The following FUT8 variants were observed in gnomAD, a reference collection of about 807,000 sequenced individuals.
The protein encoded by FUT8 is fucosyltransferase 8, also known as alpha-(1,6)-fucosyltransferase.
FUT8 carries 29 observed loss-of-function variants against 71.3 expected under a neutral mutation model. The observed-to-expected ratio is 0.41, with a 90% CI of 0.30 to 0.55. FUT8 has a LOEUF of 0.55. Ranked by LOEUF, FUT8 falls within the 20% of genes least tolerant of loss-of-function variation. The pLI is 0.34. For synonymous variants in FUT8, 254 were observed against 239.3 expected (o/e 1.06, Z -0.57); for missense variants, 544 against 702.1 (o/e 0.77, Z 2.55).
At chr14:65,647,081 G>C (rs1716753831) in intron 6 of FUT8, among the ~76,000 whole-genome samples, 1 of 152,150 alleles carries the variant, frequency 6.6e-6, no homozygotes, top group Non-Finnish European at 1.5e-5. Context: ...AAACTTCTCT[G>C]TGAAAGGTTC....
chr14:65,591,337 A>G (rs998561063), intron 3 of FUT8, among the ~76,000 whole-genome samples: 3 of 152,174 alleles, frequency 2.0e-5, no homozygotes, highest in Non-Finnish European at 4.4e-5. Flanking sequence ...TGAAGTATTT[A>G]AGAACATGAA....
At chr14:65,518,133 A>C (rs377478182) in intron 2 of FUT8, among the ~76,000 whole-genome samples, 1 of 152,188 alleles carries the variant, frequency 6.6e-6, no homozygotes, top group Admixed American at 6.6e-5. Context: ...TATGTGTGCA[A>C]GCTGGACCTT....
intron 7 of FUT8, among the ~76,000 whole-genome samples, chr14:65,679,204 C>T (rs994301746): frequency 6.6e-6 from 1 of 152,174 alleles, no homozygotes; most frequent in Admixed American, 6.5e-5. Context: ...GCCTCTGCTG[C>T]TACATCTGGC....
chr14:65,442,575 C>T (rs1053392544), intron 1 of FUT8, among the ~76,000 whole-genome samples: 4 of 151,796 alleles, frequency 2.6e-5, no homozygotes, highest in Admixed American at 1.3e-4. Context: ...TGGCTCGCAC[C>T]TGTAATCCCA....
At chr14:65,425,603 TG>T (rs2065373482) in intron 1 of FUT8, among the ~76,000 whole-genome samples, 1 of 150,766 alleles carries the variant, frequency 6.6e-6, no homozygotes, top group South Asian at 2.1e-4. Context: ...GATTGTGAAA[TG>T]TTTACCACAA....
At chr14:65,636,418 C>A (rs1258300388) in intron 6 of FUT8, 1 of 151,620 alleles carries the variant, frequency 6.6e-6, no homozygotes, top group Non-Finnish European at 1.5e-5. Context: ...TTCTCTAGTT[C>A]CTTGAGGTGT....
At chr14:65,437,518 TGTGTTA>T (rs2065580262) in intron 1 of FUT8, among the ~76,000 whole-genome samples, 1 of 152,164 alleles carries the variant, frequency 6.6e-6, no homozygotes, top group Non-Finnish European at 1.5e-5. Flanking sequence ...ATGTCATGCT[TGTGTTA>T]AAGAAAGACT....
intron 6 of FUT8, chr14:65,646,400 T>C (rs1174967199): frequency 6.6e-6 from 1 of 152,210 alleles, no homozygotes; most frequent in Admixed American, 6.5e-5. Flanking sequence ...TACAAAGATA[T>C]AACAGAGAAT....
At chr14:65,581,338 A>G (rs918671976) in intron 3 of FUT8, among the ~76,000 whole-genome samples, 1 of 152,110 alleles carries the variant, frequency 6.6e-6, no homozygotes, top group South Asian at 2.1e-4. Flanking sequence ...AAGACTAACA[A>G]TGAGTCATCT....
chr14:65,546,038 T>C (rs1188434103), intron 2 of FUT8, among the ~76,000 whole-genome samples: 2 of 151,878 alleles, frequency 1.3e-5, no homozygotes, highest in Non-Finnish European at 3.0e-5. Flanking sequence ...TTATTGACAT[T>C]TTCAATTATA....
intron 10 of FUT8, among the ~76,000 whole-genome samples, chr14:65,738,686 G>T (rs1407898661): frequency 1.3e-5 from 2 of 152,022 alleles, no homozygotes; most frequent in African/African-American, 2.4e-5. Flanking sequence ...TTTAAACCAC[G>T]TGGTAGGTAA....
At chr14:65,699,183 C>T (rs187198515) in intron 7 of FUT8, among the ~76,000 whole-genome samples, 2,783 of 151,512 alleles carry the variant, frequency 0.018, 32 homozygotes, top group Middle Eastern at 0.031. Flanking sequence ...CACACACACA[C>T]ACACACACAC....
At chr14:65,555,005 G>A (rs1036998413) in intron 2 of FUT8, among the ~76,000 whole-genome samples, 1 of 152,086 alleles carries the variant, frequency 6.6e-6, no homozygotes, top group African/African-American at 2.4e-5. Context: ...TGTTGGCATA[G>A]CTTTTATTCT....
At chr14:65,523,021 C>T (rs1256056904) in intron 2 of FUT8, among the ~76,000 whole-genome samples, 5 of 152,126 alleles carry the variant, frequency 3.3e-5, no homozygotes, top group South Asian at 2.1e-4. Flanking sequence ...TTAATAGTGT[C>T]GCAATAAACG....
In FUT8 at chr14:65,674,091, A is replaced by G. The variant is rs556061116; in HGVS notation, c.835+4611A>G. ...CTAATTTATAAACTGATATTAAGCA[A>G]TAATGTGATTAAGAATATATAGATA... On this transcript the variant is annotated intron_variant, in intron 7 of 10. Coordinates refer to ENST00000673929, the MANE Select transcript of FUT8 (RefSeq NM_001371533.1). Among the ~76,000 whole-genome samples, 4 of 152,286 alleles carry G rather than the reference A, an allele frequency of 2.6e-5. No individual in the cohort carries two copies. The South Asian group carries it at 6.2e-4, about 24-fold the overall frequency.
Position 65,680,272 on chromosome 14 carries a change from A to G in FUT8, c.835+10792A>G, listed in dbSNP as rs533423765. Among the ~76,000 whole-genome samples, 7 of 152,322 alleles carry G rather than the reference A, an allele frequency of 4.6e-5. No homozygotes were observed. The South Asian group carries it at 1.5e-3, about 32-fold the overall frequency. ...TGAGAACCAGGAGTGCCAGTGGCAG[A>G]AGACAGATGACCTAAAGATATTCTC... On this transcript the variant is annotated intron_variant, in intron 7 of 10. Transcript: ENST00000673929.
the FUT8 span, among the ~76,000 whole-genome samples, chr14:65,390,420 G>A: frequency 6.6e-6 from 1 of 151,392 alleles, no homozygotes; most frequent in Non-Finnish European, 1.5e-5. Context: ...GGGACTAGGG[G>A]ATAGTGTAGA....
intron 2 of FUT8, among the ~76,000 whole-genome samples, chr14:65,475,975 C>G (rs2066233254): frequency 6.6e-6 from 1 of 152,030 alleles, no homozygotes; most frequent in Admixed American, 6.6e-5. Context: ...GAGCTTGGTG[C>G]TTAATGGGTG....
At chr14:65,676,868 A>T (rs768215496) in intron 7 of FUT8, among the ~76,000 whole-genome samples, 1 of 152,170 alleles carries the variant, frequency 6.6e-6, no homozygotes, top group Non-Finnish European at 1.5e-5. Flanking sequence ...GAAAGTAAAG[A>T]ATGCATCCTG....
Sources: allele counts gnomAD v4.1 joint callset (sites outside exome capture counted in the v4.1 genomes callset), GRCh38; gene constraint gnomAD v4.1.1; transcripts MANE v1.5; gene names NCBI Gene and HGNC (gene_info 2026-07-23, HGNC 2026-07-21).